TTC17: variants seen among roughly 807,000 people sequenced by gnomAD.
The protein encoded by TTC17 is tetratricopeptide repeat protein 17.
TTC17 carries 58 observed loss-of-function variants against 143.8 expected under a neutral mutation model. The ratio of observed to expected loss-of-function variants is 0.40; its 90% CI spans 0.33 to 0.50. The LOEUF is 0.50. TTC17 is among the 20% of genes least tolerant of loss of function. The pLI, the probability that TTC17 is intolerant of heterozygous loss-of-function variation, is 0.49. For synonymous variants in TTC17, 501 were observed against 497.8 expected, an observed-to-expected ratio of 1.01 and a Z score of -0.09; for missense variants, 1,273 against 1,392.5, an observed-to-expected ratio of 0.91 and a Z score of 1.37.
chr11:43,412,841 C>G lies in TTC17; in HGVS notation c.2065-1749C>G, dbSNP rs371715258. 2.2e-4 allele frequency among the ~76,000 whole-genome samples: 34 copies of G among 152,228 alleles called. No homozygotes were observed. In the East Asian group the frequency reaches 2.9e-3, roughly 13 times the overall value. On this transcript the variant is annotated intron_variant, in intron 15 of 23. Coordinates refer to ENST00000039989, the MANE Select transcript of TTC17 (RefSeq NM_018259.6). The stretch of plus-strand genomic sequence containing the variant: ...CATCATGTTCACACATTGAGAGAGT[C>G]AATATTGTTCAGATGTAAGATCTCT...
chr11:43,467,839 G>A (rs1220590047), intron 21 of TTC17, among the ~76,000 whole-genome samples: 1 of 151,614 alleles, frequency 6.6e-6, no homozygotes, highest in Admixed American at 6.6e-5. Context: ...GAGGCAGAGG[G>A]GAGATAAGGC....
At chr11:43,436,467 C>T (rs1015321955) in intron 16 of TTC17, 2 of 797,750 alleles carry the variant, frequency 2.5e-6, no homozygotes, top group Non-Finnish European at 3.4e-6. Context: ...ATGAGGGTGA[C>T]CCCTAGGTGG....
intron 11 of TTC17, 47 bp downstream of exon 11, chr11:43,404,191 TC>T (rs757536883): frequency 6.4e-7 from 1 of 1,572,268 alleles, no homozygotes; most frequent in Non-Finnish European, 8.6e-7. Flanking sequence ...ACTGGCAAGA[TC>T]CATTAAAGCA....
At chr11:43,374,176 G>A (rs1856676196) in intron 1 of TTC17, among the ~76,000 whole-genome samples, 1 of 152,120 alleles carries the variant, frequency 6.6e-6, no homozygotes, top group African/African-American at 2.4e-5. Flanking sequence ...TTGTGGGAAA[G>A]CACTCCCTAT....
At position 43,424,087 on chromosome 11, in the gene TTC17, CT is replaced by C. The variant is rs778471979; in HGVS notation, c.2251+9326del. 2.6e-3 allele frequency among the ~76,000 whole-genome samples: 367 copies of C among 140,606 alleles called. 1 individual carries two copies. The highest frequency in any genetic ancestry group is 2.7e-3 in the Admixed American group (38 of 14,048). 92.2% of individuals were successfully genotyped at this position (140,606 alleles called of 152,430 possible). ...ATGAAACCAATAATCATTCTTTTTCCTTTTTTTTTTTTTTTCCTGAGGCGGA... is the reference window on the plus strand; with the variant it reads ...ATGAAACCAATAATCATTCTTTTTCCTTTTTTTTTTTTTTCCTGAGGCGGA... On this transcript the variant is annotated intron_variant, in intron 16 of 23. Coordinates refer to ENST00000039989, the MANE Select transcript of TTC17 (RefSeq NM_018259.6).
At chr11:43,434,384 A>G (rs1243952386) in intron 16 of TTC17, among the ~76,000 whole-genome samples, 1 of 152,216 alleles carries the variant, frequency 6.6e-6, no homozygotes. Flanking sequence ...TTCCTTGCCT[A>G]GAATGCTGCC....
intron 21 of TTC17, among the ~76,000 whole-genome samples, chr11:43,457,333 A>G (rs1320688430): frequency 6.6e-6 from 1 of 152,068 alleles, no homozygotes; most frequent in Admixed American, 6.5e-5. Flanking sequence ...CTCTTTGCCT[A>G]ATAGAATTAA....
At chr11:43,383,649 G>A (rs1428436472) in intron 2 of TTC17, among the ~76,000 whole-genome samples, 2 of 152,072 alleles carry the variant, frequency 1.3e-5, no homozygotes, top group East Asian at 1.9e-4. Context: ...GATTACAGGC[G>A]GGAGCCACCG....
At chr11:43,413,897 A>G (rs2134620629) in intron 15 of TTC17, among the ~76,000 whole-genome samples, 1 of 152,328 alleles carries the variant, frequency 6.6e-6, no homozygotes, top group Non-Finnish European at 1.5e-5. Context: ...GTTGTTATCT[A>G]CTAAAACTAA....
At chr11:43,455,449 G>C (rs1433817503) in intron 21 of TTC17, among the ~76,000 whole-genome samples, 2 of 151,876 alleles carry the variant, frequency 1.3e-5, no homozygotes, top group African/African-American at 4.8e-5. Context: ...CAATAAAATG[G>C]ATACATCATT....
chr11:43,395,839 C>T (rs895054166), intron 5 of TTC17, among the ~76,000 whole-genome samples: 3 of 152,032 alleles, frequency 2.0e-5, no homozygotes, highest in Non-Finnish European at 4.4e-5. Context: ...TTAATAATTT[C>T]AAAACTGGTT....
rs569275708 is a variant in TTC17, at chr11:43,494,530, A to G, written c.*626A>G. The G allele has an allele frequency of 6.6e-6, 1 of 152,140 alleles. No individual in the cohort carries two copies. The highest frequency in any genetic ancestry group is 1.9e-4 in the East Asian group (1 of 5,180). The allele number at this position is 152,140 out of a possible 1,614,324, so 9.4% of individuals were successfully genotyped here. A position where few individuals can be genotyped will look rare whatever the true frequency, so the allele number is the denominator to read the frequency against. On this transcript the variant is annotated 3_prime_UTR_variant, in exon 24 of 24. Coordinates refer to ENST00000039989, the MANE Select transcript of TTC17 (RefSeq NM_018259.6). ...AGGATCACCTGACCTTTGTAATGTT[A>G]TTTATGTTGGGGAGGGAGGGGGGCT...
intron 21 of TTC17, among the ~76,000 whole-genome samples, chr11:43,483,009 A>G (rs2134470805): frequency 6.6e-6 from 1 of 152,268 alleles, no homozygotes; most frequent in Admixed American, 6.5e-5. Flanking sequence ...AAAGGGCAAA[A>G]CAAAACTATG....
intron 21 of TTC17, among the ~76,000 whole-genome samples, chr11:43,466,027 A>G (rs1947965488): frequency 6.6e-6 from 1 of 152,234 alleles, no homozygotes; most frequent in Non-Finnish European, 1.5e-5. Context: ...TTTGCAAGTC[A>G]TACATCTAAT....
At chr11:43,488,107 G>A (rs1054498831) in intron 21 of TTC17, among the ~76,000 whole-genome samples, 2 of 152,130 alleles carry the variant, frequency 1.3e-5, no homozygotes. Context: ...CCCATGAGCC[G>A]TTCTTGAGGA....
intron 1 of TTC17, chr11:43,370,281 T>C: frequency 3.4e-6 from 1 of 290,882 alleles, no homozygotes; most frequent in Non-Finnish European, 6.9e-6. Context: ...TCTTGCTTGC[T>C]ACCATAGTAG....
intron 23 of TTC17, among the ~76,000 whole-genome samples, chr11:43,492,392 T>A (rs1028154871): frequency 2.0e-5 from 3 of 152,028 alleles, no homozygotes; most frequent in Non-Finnish European, 4.4e-5. Flanking sequence ...TCAACATGAG[T>A]TGAACATTAA....
rs568254284 is a variant in TTC17, at chr11:43,379,480, G to T, written c.249+158G>T. The stretch of plus-strand genomic sequence containing the variant: ...GCAATGTGTGTGTGTGTGTGTGTGT[G>T]TTTTTTCTTTATCATTTTATCAAAG... On this transcript the variant is annotated intron_variant, in intron 2 of 23. Coordinates refer to ENST00000039989, the MANE Select transcript of TTC17 (RefSeq NM_018259.6). Among the ~76,000 whole-genome samples the T allele has an allele frequency of 1.3e-3, 198 of 152,096 alleles. 1 individual carries two copies. The highest frequency in any genetic ancestry group is 2.4e-3 in the Non-Finnish European group (166 of 67,964).
At chr11:43,390,074 A>C (rs1253134001) in intron 3 of TTC17, among the ~76,000 whole-genome samples, 1 of 152,218 alleles carries the variant, frequency 6.6e-6, no homozygotes, top group Non-Finnish European at 1.5e-5. Context: ...TGTGAGGCCA[A>C]GGCGGGAAGA....
Sources: gnomAD v4.1 joint callset for allele counts (sites outside exome capture counted in the v4.1 genomes callset) on GRCh38, gnomAD v4.1.1 for gene constraint, MANE v1.5 for transcripts, NCBI Gene and HGNC (gene_info 2026-07-23, HGNC 2026-07-21) for gene names.